The following TSPAN11 variants were observed in gnomAD, a reference collection of about 807,000 sequenced individuals.
The protein encoded by TSPAN11 is tetraspanin-11.
TSPAN11 carries 29 observed loss-of-function variants against 32.9 expected under a neutral mutation model. The observed-to-expected ratio is 0.88, with a 90% CI of 0.66 to 1.20. The LOEUF is 1.20. Among genes scored for constraint, TSPAN11 ranks in the 50% most tolerant of loss-of-function variants. The pLI, the probability that TSPAN11 is intolerant of heterozygous loss-of-function variation, is 0.00. For synonymous variants in TSPAN11, 140 were observed against 141.3 expected (o/e 0.99, Z 0.07); for missense variants, 283 against 329.1 (o/e 0.86, Z 1.08).
chr12:30,991,755 C>T, intron 7 of TSPAN11, 101 bp from the exon 8 acceptor site: 2 of 1,297,718 alleles, frequency 1.5e-6, no homozygotes, highest in Non-Finnish European at 2.2e-6. Flanking sequence ...TGCCCAGGCC[C>T]CAGGGTATTC....
intron 2 of TSPAN11, among the ~76,000 whole-genome samples, chr12:30,960,093 G>A (rs552876104): frequency 7.0e-6 from 1 of 142,662 alleles, no homozygotes; most frequent in Non-Finnish European, 1.5e-5. Flanking sequence ...TTGAGAGAAG[G>A]AGGAGCCTAC....
chr12:30,967,486 G>C (rs1013586226), intron 3 of TSPAN11, among the ~76,000 whole-genome samples: 1 of 152,212 alleles, frequency 6.6e-6, no homozygotes, highest in African/African-American at 2.4e-5. Context: ...TGTTGCACAG[G>C]CTGGTGCAAG....
chr12:30,929,389 C>A (rs922766254), intron 1 of TSPAN11, among the ~76,000 whole-genome samples: 1 of 152,112 alleles, frequency 6.6e-6, no homozygotes, highest in Non-Finnish European at 1.5e-5. Flanking sequence ...GGTTTAATTT[C>A]TTGAATTTTG....
intron 1 of TSPAN11, among the ~76,000 whole-genome samples, chr12:30,931,929 CA>C (rs1937941691): frequency 8.1e-6 from 1 of 122,942 alleles, no homozygotes; most frequent in Non-Finnish European, 1.7e-5. Context: ...CTTGAGAATA[CA>C]ATTGTTTATT....
chr12:30,991,952 C>A lies in TSPAN11; in HGVS notation c.*37C>A. 6.2e-7 allele frequency: 1 copy of A among 1,612,042 alleles called. No individual in the cohort carries two copies. Among genetic ancestry groups the A allele is most frequent in the Non-Finnish European group, 8.5e-7 (1 of 1,178,222 alleles). ...CTCCTCTTCCAACTGCCCCTCAAGA[C>A]AACATGTGGCCACATGCCATCTGCA... On this transcript the variant is annotated 3_prime_UTR_variant, in exon 8 of 8. Coordinates refer to ENST00000546076, the MANE Select transcript of TSPAN11 (RefSeq NM_001370302.1).
chr12:30,965,426 G>GAA (rs1433553850), intron 3 of TSPAN11, among the ~76,000 whole-genome samples: 1 of 152,048 alleles, frequency 6.6e-6, no homozygotes, highest in African/African-American at 2.4e-5. Context: ...ACTCACCTCT[G>GAA]GACAGCCCAA....
At chr12:30,949,650 G>A (rs1938342032) in intron 1 of TSPAN11, among the ~76,000 whole-genome samples, 1 of 152,126 alleles carries the variant, frequency 6.6e-6, no homozygotes, top group Non-Finnish European at 1.5e-5. Flanking sequence ...TTCAAGTTGA[G>A]ATTTGAGTGG....
intron 2 of TSPAN11, among the ~76,000 whole-genome samples, chr12:30,958,037 A>G (rs969964760): frequency 6.6e-6 from 1 of 152,066 alleles, no homozygotes; most frequent in African/African-American, 2.4e-5. Flanking sequence ...TGGAGTTGGT[A>G]CAGAGGACAG....
chr12:30,932,250 A>G (rs1937947826), intron 1 of TSPAN11, among the ~76,000 whole-genome samples: 1 of 152,136 alleles, frequency 6.6e-6, no homozygotes, highest in East Asian at 1.9e-4. Context: ...CTATTTAATG[A>G]TATTCTAAGT....
rs1418630808 is a variant in TSPAN11 at position 30,927,001 on chromosome 12, A to C, written c.-12+205A>C. The stretch of plus-strand genomic sequence containing the variant: ...GCCTGGGACACTCGCGGGGCATGTG[A>C]GCAGGTATTGGTGTCTGCATGGGAC... On this transcript the variant is annotated intron_variant, in intron 1 of 7. Coordinates refer to ENST00000546076, the MANE Select transcript of TSPAN11 (RefSeq NM_001370302.1). The C allele has an allele frequency of 1.0e-5, 13 of 1,283,422 alleles. No individual in the cohort carries two copies. In the Admixed American group the frequency reaches 3.0e-4, roughly 30 times the overall value. 79.5% of individuals were successfully genotyped at this position (1,283,422 alleles called of 1,614,324 possible). A position where few individuals can be genotyped will look rare whatever the true frequency, so the allele number is the denominator to read the frequency against.
chr12:30,947,479 G>C (rs1278809761), intron 1 of TSPAN11, among the ~76,000 whole-genome samples: 1 of 152,164 alleles, frequency 6.6e-6, no homozygotes, highest in East Asian at 1.9e-4. Flanking sequence ...GGTTTAATTG[G>C]ACTTACAGTT....
At chr12:30,939,685 T>G (rs927453372) in intron 1 of TSPAN11, among the ~76,000 whole-genome samples, 1 of 152,016 alleles carries the variant, frequency 6.6e-6, no homozygotes, top group African/African-American at 2.4e-5. Context: ...TGTGGGTCTG[T>G]TTTTAAGGGC....
intron 2 of TSPAN11, among the ~76,000 whole-genome samples, chr12:30,963,320 A>C (rs1938651965): frequency 6.6e-6 from 1 of 152,176 alleles, no homozygotes; most frequent in African/African-American, 2.4e-5. Flanking sequence ...TCTTCCTCGT[A>C]GAGTAGGGAT....
chr12:30,935,185 A>G (rs894184702), intron 1 of TSPAN11, among the ~76,000 whole-genome samples: 1 of 152,084 alleles, frequency 6.6e-6, no homozygotes, highest in Non-Finnish European at 1.5e-5. Flanking sequence ...CTCATGCAAG[A>G]TGTCTCCATG....
rs777957037 is a variant in TSPAN11 at position 30,975,796 on chromosome 12, G to A, written c.277-2765G>A. 6.6e-6 allele frequency among the ~76,000 whole-genome samples: 1 copy of A among 152,100 alleles called. No individual in the cohort carries two copies. The highest frequency in any genetic ancestry group is 1.5e-5 in the Non-Finnish European group (1 of 68,028). ...GAGAAGGAAGGTGGAGAGATGCCAG[G>A]ATGTGGCTCTCCTAGCTGCCAGCAG... On this transcript the variant is annotated intron_variant, in intron 3 of 7. Coordinates refer to ENST00000546076, the MANE Select transcript of TSPAN11 (RefSeq NM_001370302.1). The surrounding 1 kb of genome is among the most constrained non-coding windows in gnomAD (Gnocchi z 4.5).
At chr12:30,940,122 A>T (rs1241929594) in intron 1 of TSPAN11, among the ~76,000 whole-genome samples, 5 of 152,218 alleles carry the variant, frequency 3.3e-5, no homozygotes, top group Non-Finnish European at 7.3e-5. Flanking sequence ...CTACACAGAA[A>T]TGCATCCTGC....
Position 30,979,558 on chromosome 12 carries a change from C to T in TSPAN11, c.352-8C>T, listed in dbSNP as rs1477470999. ...CGCTGATGGGGACTTCGCTCCTACC[C>T]TCCTCAGCTGAGTGATGAACTGAAG... On this transcript the variant is annotated splice_polypyrimidine_tract_variant and splice_region_variant and intron_variant, in intron 4 of 7. Coordinates refer to ENST00000546076, the MANE Select transcript of TSPAN11 (RefSeq NM_001370302.1). 1 of 1,614,064 alleles carries T rather than the reference C, an allele frequency of 6.2e-7. No individual in the cohort carries two copies.
chr12:30,965,833 CAGT>C (rs1938720073), intron 3 of TSPAN11, among the ~76,000 whole-genome samples: 1 of 152,026 alleles, frequency 6.6e-6, no homozygotes, highest in Non-Finnish European at 1.5e-5. Flanking sequence ...AGGTGATGGT[CAGT>C]CAGGTGTGGC....
intron 7 of TSPAN11, among the ~76,000 whole-genome samples, chr12:30,990,563 G>T (rs890265584): frequency 5.9e-5 from 9 of 152,216 alleles, no homozygotes; most frequent in Non-Finnish European, 8.8e-5. Context: ...CACCAAGTCT[G>T]CAGGCTGAAA....
Sources: allele counts gnomAD v4.1 joint callset (sites outside exome capture counted in the v4.1 genomes callset), GRCh38; gene constraint gnomAD v4.1.1; non-coding constraint Gnocchi (gnomAD v3.1); transcripts MANE v1.5; gene names NCBI Gene and HGNC (gene_info 2026-07-23, HGNC 2026-07-21).